ARHGAP10: variants seen among roughly 807,000 people sequenced by gnomAD.
ARHGAP10 encodes the protein rho GTPase-activating protein 10.
ARHGAP10 carries 87 observed loss-of-function variants against 108.6 expected under a neutral mutation model. The observed-to-expected ratio is 0.80, with a 90% CI of 0.67 to 0.96. The LOEUF (loss-of-function observed/expected upper bound fraction) is 0.96. ARHGAP10 is among the 40% of genes least tolerant of loss of function. The pLI is 0.00. For synonymous variants in ARHGAP10, 347 were observed against 341.1 expected (o/e 1.02, Z -0.19); for missense variants, 939 against 954.5 (o/e 0.98, Z 0.21).
In ARHGAP10 at chr4:147,864,925, A is replaced by C; in HGVS notation, c.566A>C (p.Gln189Pro). 6.2e-7 allele frequency: 1 copy of C among 1,614,030 alleles called. No individual in the cohort carries two copies. Among genetic ancestry groups the C allele is most frequent in the Non-Finnish European group, 8.5e-7 (1 of 1,179,964 alleles). The change falls in exon 6 of 23, where the codon CAA becomes CCA. Residue 189 changes from glutamine to proline, a missense_variant. By Grantham distance (76) the Gln-to-Pro change is moderately conservative (BLOSUM62 -1). Transcript: ENST00000336498. ...LEYVCKLQEI[Q>P]ERKKFEFVEP... is the part of the protein sequence containing the mutation. ...TATGTGTGTAAGCTGCAGGAAATCCAAGAAAGAAAGAAGTTTGAGTTTGTG... is the reference window on the plus strand; with the variant it reads ...TATGTGTGTAAGCTGCAGGAAATCCCAGAAAGAAAGAAGTTTGAGTTTGTG...
chr4:147,929,699 G>T (rs780822765), intron 13 of ARHGAP10, among the ~76,000 whole-genome samples: 1 of 151,992 alleles, frequency 6.6e-6, no homozygotes. Flanking sequence ...CAGATTGCTA[G>T]GTATTTCCTC....
chr4:147,848,562 C>T (rs1733727645), intron 4 of ARHGAP10, among the ~76,000 whole-genome samples: 1 of 152,198 alleles, frequency 6.6e-6, no homozygotes, highest in South Asian at 2.1e-4. Flanking sequence ...TCTCTTTAAG[C>T]TCTTTAAAGC....
intron 12 of ARHGAP10, among the ~76,000 whole-genome samples, chr4:147,911,385 C>T (rs1736722042): frequency 6.6e-6 from 1 of 152,136 alleles, no homozygotes; most frequent in Non-Finnish European, 1.5e-5. Flanking sequence ...TTGTTGGAGA[C>T]AGAGTCTTGC....
In ARHGAP10 at chr4:147,871,943, A is replaced by G. The variant is rs565424062; in HGVS notation, c.703-3078A>G. ...TAGTGAGACCCTGTCTCCACAAAAA[A>G]TAGAGAAAAATTAGCTGGAGGTGGT... On this transcript the variant is annotated intron_variant, in intron 7 of 22. Coordinates refer to ENST00000336498, the MANE Select transcript of ARHGAP10 (RefSeq NM_024605.4). 9.9e-5 allele frequency among the ~76,000 whole-genome samples: 15 copies of G among 152,188 alleles called. No individual in the cohort carries two copies. The South Asian group carries it at 3.1e-3, about 32-fold the overall frequency.
rs771295383 is a variant in ARHGAP10, at chr4:148,063,195, C to T, written c.2075C>T (p.Ser692Phe). ...SSMVQWLNPQSPTTTSSNSAV... is the reference protein window; with the variant it reads ...SSMVQWLNPQFPTTTSSNSAV... The stretch of plus-strand genomic sequence containing the variant: ...ATGGTCCAGTGGCTTAACCCACAGT[C>T]TCCAACCACAACAAGCTCCAACTCA... The change falls in exon 21 of 23, where the codon TCT becomes TTT. Residue 692 changes from serine to phenylalanine, a missense_variant. By Grantham distance (155) the Ser-to-Phe change is radical (BLOSUM62 -2). Transcript: ENST00000336498. The T allele has an allele frequency of 3.7e-6, 6 of 1,614,180 alleles. No homozygotes were observed. The highest frequency in any genetic ancestry group is 4.2e-6 in the Non-Finnish European group (5 of 1,180,036).
chr4:147,992,277 T>C (rs996870377), intron 18 of ARHGAP10, among the ~76,000 whole-genome samples: 1 of 152,210 alleles, frequency 6.6e-6, no homozygotes, highest in Admixed American at 6.5e-5. Flanking sequence ...TTGCCACGTT[T>C]GTCCTGCTCT....
chr4:148,024,117 G>A (rs531245300), intron 19 of ARHGAP10, among the ~76,000 whole-genome samples: 3 of 152,298 alleles, frequency 2.0e-5, no homozygotes, highest in African/African-American at 4.8e-5. Flanking sequence ...CTGTGCACAC[G>A]CCTCCCATTG....
intron 18 of ARHGAP10, among the ~76,000 whole-genome samples, chr4:147,990,870 G>T (rs1740246477): frequency 6.6e-6 from 1 of 151,954 alleles, no homozygotes; most frequent in Non-Finnish European, 1.5e-5. Flanking sequence ...AGAAAAACGG[G>T]CCTGGTGTTG....
At chr4:148,010,886 T>A (rs1399027805) in intron 18 of ARHGAP10, among the ~76,000 whole-genome samples, 1 of 152,234 alleles carries the variant, frequency 6.6e-6, no homozygotes, top group Non-Finnish European at 1.5e-5. Flanking sequence ...AAATGACATT[T>A]TTAATAGAAA....
intron 18 of ARHGAP10, among the ~76,000 whole-genome samples, chr4:147,977,811 C>T (rs75963497): frequency 6.6e-6 from 1 of 152,038 alleles, no homozygotes; most frequent in Non-Finnish European, 1.5e-5. Context: ...CTCTCTCCCC[C>T]TCCCCCTCCC....
At chr4:147,842,266 G>A (rs1443883346) in intron 3 of ARHGAP10, among the ~76,000 whole-genome samples, 1 of 152,124 alleles carries the variant, frequency 6.6e-6, no homozygotes, top group South Asian at 2.1e-4. Context: ...TTCTACTCTA[G>A]TGTTAGCCTT....
Position 147,732,436 on chromosome 4 carries a change from C to T in ARHGAP10, c.135C>T (p.Asn45=). The T allele has an allele frequency of 3.1e-6, 5 of 1,612,292 alleles. No homozygotes were observed. Among genetic ancestry groups the T allele is most frequent in the Non-Finnish European group, 3.4e-6 (4 of 1,179,150 alleles). Residue 45 remains asparagine, a synonymous_variant, in exon 1 of 23, where the codon AAC becomes AAT. Transcript: ENST00000336498. The stretch of plus-strand genomic sequence containing the variant: ...AAGAGCTCATTAAGGACGGGAAGAA[C>T]CTCATCGCTGCGACGAAAAGTAAGC... ...FIKELIKDGK[N]LIAATKSLSV... is the part of the protein sequence containing the mutation.
At chr4:147,969,345 T>TTTTTTTTTTTTTG (rs761497318) in intron 18 of ARHGAP10, among the ~76,000 whole-genome samples, 1 of 129,158 alleles carries the variant, frequency 7.7e-6, no homozygotes, top group Non-Finnish European at 1.6e-5. Flanking sequence ...TTTTTTTTTT[T>TTTTTTTTTTTTTG]GCCAGTGGTG....
intron 18 of ARHGAP10, among the ~76,000 whole-genome samples, chr4:147,987,942 A>C (rs1184712931): frequency 1.3e-5 from 2 of 152,234 alleles, no homozygotes; most frequent in Non-Finnish European, 2.9e-5. Context: ...ACTTTTACTT[A>C]TGCCACTTTG....
At chr4:147,825,793 CT>C (rs1487425630) in intron 3 of ARHGAP10, among the ~76,000 whole-genome samples, 1 of 152,124 alleles carries the variant, frequency 6.6e-6, no homozygotes, top group African/African-American at 2.4e-5. Flanking sequence ...TCTTAACCCT[CT>C]TTGATAGTTG....
chr4:148,008,440 A>G (rs548165963), intron 18 of ARHGAP10, among the ~76,000 whole-genome samples: 2 of 151,732 alleles, frequency 1.3e-5, no homozygotes, highest in South Asian at 4.2e-4. Context: ...GACATTTGGT[A>G]GTGTCTAGAG....
chr4:147,877,461 T>C (rs1735120343), intron 8 of ARHGAP10, among the ~76,000 whole-genome samples: 2 of 152,224 alleles, frequency 1.3e-5, no homozygotes, highest in Non-Finnish European at 2.9e-5. Context: ...GCATTCCTTT[T>C]ACATGAGTTA....
intron 9 of ARHGAP10, among the ~76,000 whole-genome samples, chr4:147,879,919 T>G (rs1735257937): frequency 6.6e-6 from 1 of 152,250 alleles, no homozygotes; most frequent in Admixed American, 6.5e-5. Context: ...ACAATGGAAC[T>G]GACTTGCTGT....
At chr4:147,920,985 A>G (rs1462279564) in intron 13 of ARHGAP10, among the ~76,000 whole-genome samples, 1 of 152,252 alleles carries the variant, frequency 6.6e-6, no homozygotes, top group African/African-American at 2.4e-5. Context: ...GGTGAATACT[A>G]GAAGGTGATA....
Sources: gnomAD v4.1 joint callset for allele counts (sites outside exome capture counted in the v4.1 genomes callset) on GRCh38, gnomAD v4.1.1 for gene constraint, MANE v1.5 for transcripts, NCBI Gene and HGNC (gene_info 2026-07-23, HGNC 2026-07-21) for gene names.